PRLR: variants seen among roughly 807,000 people sequenced by gnomAD.
The protein encoded by PRLR is prolactin receptor.
In PRLR, 13 loss-of-function variants were observed where a neutral mutation model predicts 40.2. The observed-to-expected ratio is 0.32, with a 90% confidence interval of 0.21 to 0.51. The LOEUF is 0.51. Ranked by LOEUF, PRLR falls within the 20% of genes least tolerant of loss-of-function variation. The pLI is 0.97. For missense variants in PRLR, 656 were observed against 747.3 expected (o/e 0.88, Z 1.42); for synonymous variants, 269 against 278.7 (o/e 0.97, Z 0.35).
intron 2 of PRLR, among the ~76,000 whole-genome samples, chr5:35,099,416 C>T (rs756209200): frequency 3.3e-4 from 51 of 152,268 alleles, no homozygotes; most frequent in Admixed American, 1.9e-3. Flanking sequence ...CACTGCTAGT[C>T]GTATAAAAGT....
At chr5:35,055,177 C>A (rs140930141), downstream of PRLR, among the ~76,000 whole-genome samples, 1 of 152,064 alleles carries the variant, frequency 6.6e-6, no homozygotes, top group Non-Finnish European at 1.5e-5. Flanking sequence ...CAGGAAAACA[C>A]GAACAAAAGA....
intron 1 of PRLR, among the ~76,000 whole-genome samples, chr5:35,171,902 T>G (rs1391047568): frequency 6.6e-6 from 1 of 152,192 alleles, no homozygotes; most frequent in East Asian, 1.9e-4. Context: ...AAACTTATTT[T>G]TTTGTGATGC....
chr5:35,115,654 G>A (rs1388516772), intron 2 of PRLR, among the ~76,000 whole-genome samples: 2 of 151,802 alleles, frequency 1.3e-5, no homozygotes, highest in Admixed American at 1.3e-4. Context: ...GGTTGGAATG[G>A]GCAGAGCCTG....
At chr5:35,093,792 A>G (rs1771367572) in intron 2 of PRLR, among the ~76,000 whole-genome samples, 1 of 152,228 alleles carries the variant, frequency 6.6e-6, no homozygotes, top group Non-Finnish European at 1.5e-5. Context: ...CCATAAGATT[A>G]TAATGCTGTA....
intron 5 of PRLR, among the ~76,000 whole-genome samples, chr5:35,083,666 C>T (rs934606317): frequency 5.9e-5 from 9 of 151,528 alleles, no homozygotes; most frequent in Admixed American, 2.0e-4. Context: ...ATTACAGGCA[C>T]GCACCACCAC....
intron 1 of PRLR, among the ~76,000 whole-genome samples, chr5:35,173,100 A>C (rs1775048536): frequency 6.6e-6 from 1 of 151,968 alleles, no homozygotes. Flanking sequence ...TCTTGTTCCC[A>C]CCCTTTGCCT....
At position 35,074,682 on chromosome 5, in the gene PRLR, A is replaced by C. The variant is rs77132356; in HGVS notation, c.374-1938T>G. ...ACTAGATAGTGGTGATGGTTGCATA[A>C]AATTGTAATAAACTAATGCATTCAA... On this transcript the variant is annotated intron_variant, in intron 5 of 9. Transcript: ENST00000618457. Among the ~76,000 whole-genome samples the C allele has an allele frequency of 3.7e-4, 56 of 152,148 alleles. 1 individual carries two copies. The East Asian group carries it at 0.011, about 29-fold the overall frequency.
chr5:35,196,961 C>A (rs1255797720), intron 1 of PRLR, among the ~76,000 whole-genome samples: 3 of 152,104 alleles, frequency 2.0e-5, no homozygotes, highest in Non-Finnish European at 2.9e-5. Flanking sequence ...AGAGAGCTCT[C>A]TGGGACCCTT....
intron 1 of PRLR, among the ~76,000 whole-genome samples, chr5:35,201,029 G>T (rs569776111): frequency 6.6e-6 from 1 of 152,154 alleles, no homozygotes; most frequent in South Asian, 2.1e-4. Context: ...TAACACACAA[G>T]TTCTGTGGTA....
intron 1 of PRLR, among the ~76,000 whole-genome samples, chr5:35,128,517 AT>A (rs200913599): frequency 1.5e-4 from 23 of 151,474 alleles, no homozygotes; most frequent in African/African-American, 5.1e-4. Flanking sequence ...TTGTATTATC[AT>A]TTTTTTTCAG....
At chr5:35,162,886 G>A (rs1014628549) in intron 1 of PRLR, among the ~76,000 whole-genome samples, 5 of 152,314 alleles carry the variant, frequency 3.3e-5, no homozygotes, top group South Asian at 2.1e-4. Flanking sequence ...AGGGGAGTAC[G>A]TTGATATATT....
At chr5:35,135,849 C>T (rs1449204900) in intron 1 of PRLR, among the ~76,000 whole-genome samples, 7 of 152,324 alleles carry the variant, frequency 4.6e-5, no homozygotes, top group African/African-American at 1.7e-4. Flanking sequence ...CATGGGGGAC[C>T]TGACCAGAAC....
In PRLR at chr5:35,089,531, C is replaced by T. The variant is rs755980779; in HGVS notation, c.70+20G>A. The T allele has an allele frequency of 1.9e-6, 3 of 1,549,146 alleles. No individual in the cohort carries two copies. Among genetic ancestry groups the T allele is most frequent in the Non-Finnish European group, 2.7e-6 (3 of 1,120,958 alleles). ...AAACACCCCAGGCAATGAAAGAGAG[C>T]GTGATAGCCTCTTACTTACCATTCA... is the stretch of plus-strand genomic sequence containing the variant. On this transcript the variant is annotated intron_variant, in intron 3 of 9. Coordinates refer to ENST00000618457, the MANE Select transcript of PRLR (RefSeq NM_000949.7).
At chr5:35,112,506 A>G (rs1330515770) in intron 2 of PRLR, among the ~76,000 whole-genome samples, 1 of 152,054 alleles carries the variant, frequency 6.6e-6, no homozygotes, top group South Asian at 2.1e-4. Flanking sequence ...GAGGGTAGAG[A>G]AAGAGGAGAA....
intron 2 of PRLR, among the ~76,000 whole-genome samples, chr5:35,090,538 G>A (rs1771131433): frequency 6.6e-6 from 1 of 152,052 alleles, no homozygotes; most frequent in African/African-American, 2.4e-5. Context: ...TAAATTCTTA[G>A]AAATGCACGG....
intron 1 of PRLR, among the ~76,000 whole-genome samples, chr5:35,200,522 C>T (rs1478584810): frequency 1.3e-5 from 2 of 152,206 alleles, no homozygotes; most frequent in Admixed American, 6.5e-5. Flanking sequence ...TAATGTGAAA[C>T]TGCAACGAAA....
At chr5:35,052,244 G>C (rs1045214542), downstream of PRLR, among the ~76,000 whole-genome samples, 7 of 152,144 alleles carry the variant, frequency 4.6e-5, no homozygotes, top group Non-Finnish European at 8.8e-5. Flanking sequence ...TCATGTATAA[G>C]TGAGGTTCAT....
intron 1 of PRLR, among the ~76,000 whole-genome samples, chr5:35,172,703 C>T (rs909500591): frequency 5.9e-5 from 9 of 152,194 alleles, no homozygotes; most frequent in East Asian, 1.9e-4. Context: ...TCCCTCCTCC[C>T]GACTGATGCG....
chr5:35,085,240 A>G (rs1238284180), intron 4 of PRLR, among the ~76,000 whole-genome samples: 3 of 152,132 alleles, frequency 2.0e-5, no homozygotes, highest in Non-Finnish European at 2.9e-5. Context: ...CTCAAGATAC[A>G]CTGCACAGGG....
Sources: gnomAD v4.1 joint callset for allele counts (sites outside exome capture counted in the v4.1 genomes callset) on GRCh38, gnomAD v4.1.1 for gene constraint, MANE v1.5 for transcripts, NCBI Gene and HGNC (gene_info 2026-07-23, HGNC 2026-07-21) for gene names.